Variants in DDIAS observed in about 807,000 individuals in gnomAD.
DDIAS encodes the protein DNA damage induced apoptosis suppressor.
A neutral mutation model predicts 15.7 loss-of-function variants in DDIAS; 14 were observed. The ratio of observed to expected loss-of-function variants is 0.89; its 90% CI spans 0.59 to 1.39. The LOEUF (loss-of-function observed/expected upper bound fraction) is 1.39, where lower values mean the gene tolerates loss of function less well. Among genes scored for constraint, DDIAS ranks in the 40% most tolerant of loss-of-function variants. DDIAS has a pLI of 0.00. For synonymous variants in DDIAS, 355 were observed against 395.9 expected, an observed-to-expected ratio of 0.90 and a Z score of 1.23; for missense variants, 1,035 against 1,130.9, an observed-to-expected ratio of 0.92 and a Z score of 1.22.
intron 5 of DDIAS, 128 bp from the exon 6 acceptor site, chr11:82,931,604 C>T: frequency 1.3e-6 from 1 of 761,680 alleles, no homozygotes; most frequent in Non-Finnish European, 2.1e-6. Flanking sequence ...AGTGATCTGC[C>T]TGCCTCGGCC....
At position 82,928,813 on chromosome 11, in the gene DDIAS, T is replaced by C. The variant is rs530822401; in HGVS notation, c.150T>C (p.Ser50=). The C allele has an allele frequency of 3.3e-5, 53 of 1,613,568 alleles. No individual in the cohort carries two copies. In the South Asian group the frequency reaches 5.5e-4, roughly 17 times the overall value. Residue 50 remains serine (S), a synonymous_variant, in exon 4 of 6, where the codon TCT becomes TCC. Transcript: ENST00000533655. ...CAAAATGTGGCTCTACTGGTGAATC[T>C]GGAAATGCCAATTACAGATACAAAC... ...NCPKCGSTGE[S]GNANYRYKLS... is the part of the protein sequence containing the mutation.
At chr11:82,916,065 A>C (rs1179477817) in intron 3 of DDIAS, among the ~76,000 whole-genome samples, 1 of 152,182 alleles carries the variant, frequency 6.6e-6, no homozygotes, top group East Asian at 1.9e-4. Context: ...ACTGTAATGG[A>C]ACAATTTCAA....
chr11:82,918,650 T>C (rs941732805), intron 3 of DDIAS, among the ~76,000 whole-genome samples: 2 of 152,252 alleles, frequency 1.3e-5, no homozygotes, highest in African/African-American at 4.8e-5. Context: ...AATTTGTAGA[T>C]TGCTTTTGGC....
intron 3 of DDIAS, 90 bp from the exon 4 acceptor site, chr11:82,928,687 T>C (rs920511373): frequency 3.7e-6 from 5 of 1,358,008 alleles, no homozygotes; most frequent in Admixed American, 4.2e-5. Flanking sequence ...ATACACAAAA[T>C]GTTATTTTAA....
intron 3 of DDIAS, among the ~76,000 whole-genome samples, chr11:82,916,084 G>A (rs1565245435): frequency 6.6e-6 from 1 of 152,088 alleles, no homozygotes; most frequent in Non-Finnish European, 1.5e-5. Flanking sequence ...AAGCTTCAGA[G>A]AACACAACAG....
At position 82,928,177 on chromosome 11, in the gene DDIAS, CTTTTTTTTTTTTTTTTTTT is replaced by C. The variant is rs541845327; in HGVS notation, c.114-579_114-561del. 1.0e-3 allele frequency among the ~76,000 whole-genome samples: 35 copies of C among 34,206 alleles called. 1 individual carries two copies. The highest frequency in any genetic ancestry group is 2.8e-3 in the South Asian group (2 of 708). The allele number at this position is 34,206 out of a possible 152,430, so 22.4% of individuals were successfully genotyped here. ...ATATTTTGAGATTATTTTTTGTCCT[CTTTTTTTTTTTTTTTTTTT>C]TTTTTTTTTTTTTTTTTTTTGAGAC... On this transcript the variant is annotated intron_variant, in intron 3 of 5. Coordinates refer to ENST00000533655, the MANE Select transcript of DDIAS (RefSeq NM_145018.4).
At chr11:82,903,206 T>C (rs915038622) in intron 1 of DDIAS, among the ~76,000 whole-genome samples, 40 of 152,170 alleles carry the variant, frequency 2.6e-4, no homozygotes, top group Admixed American at 2.0e-4. Context: ...GACCGGATCA[T>C]GGTTAGGAGG....
At chr11:82,929,478 C>T (rs1179569919) in intron 4 of DDIAS, among the ~76,000 whole-genome samples, 1 of 152,026 alleles carries the variant, frequency 6.6e-6, no homozygotes, top group Non-Finnish European at 1.5e-5. Context: ...CCGAGGCGGG[C>T]GGATCACAAG....
At chr11:82,922,280 C>A (rs1280993687) in intron 3 of DDIAS, among the ~76,000 whole-genome samples, 1 of 152,176 alleles carries the variant, frequency 6.6e-6, no homozygotes. Flanking sequence ...GGGAAGGTTT[C>A]CTCAATTATT....
chr11:82,917,368 G>T (rs1318684618), intron 3 of DDIAS, among the ~76,000 whole-genome samples: 1 of 149,452 alleles, frequency 6.7e-6, no homozygotes, highest in Non-Finnish European at 1.5e-5. Flanking sequence ...TCATAGCTTA[G>T]CTCCCACATA....
At chr11:82,911,675 T>G (rs964297630) in intron 1 of DDIAS, among the ~76,000 whole-genome samples, 7 of 152,242 alleles carry the variant, frequency 4.6e-5, no homozygotes, top group African/African-American at 1.7e-4. Context: ...TTTGACTTCC[T>G]CCCATAAATC....
chr11:82,909,121 T>C (rs558832428), intron 1 of DDIAS: 2 of 152,328 alleles, frequency 1.3e-5, no homozygotes, highest in African/African-American at 4.8e-5. Flanking sequence ...ATAAAAGACA[T>C]AGAACAGCCC....
chr11:82,929,092 C>T, intron 4 of DDIAS, 154 bp downstream of exon 4: 4 of 786,726 alleles, frequency 5.1e-6, no homozygotes, highest in Non-Finnish European at 7.8e-6. Context: ...ATGTTTATTT[C>T]CTGAATACAT....
intron 1 of DDIAS, among the ~76,000 whole-genome samples, chr11:82,905,531 T>TTA (rs1204863952): frequency 6.6e-6 from 1 of 152,110 alleles, no homozygotes; most frequent in Non-Finnish European, 1.5e-5. Context: ...AAAAATAAGA[T>TTA]TATATACTTT....
intron 1 of DDIAS, among the ~76,000 whole-genome samples, chr11:82,910,587 ATT>A (rs1425754567): frequency 1.6e-5 from 2 of 125,590 alleles, no homozygotes; most frequent in South Asian, 2.6e-4. Flanking sequence ...CAAGCTTTTA[ATT>A]TTTTCTCTCT....
chr11:82,913,219 G>A (rs1413814285), intron 1 of DDIAS, 68 bp from the exon 2 acceptor site: 1 of 152,280 alleles, frequency 6.6e-6, no homozygotes, highest in East Asian at 1.9e-4. Context: ...ATAAAGTGAA[G>A]CATAATAAAA....
intron 3 of DDIAS, among the ~76,000 whole-genome samples, chr11:82,924,227 T>G (rs1224829955): frequency 6.6e-6 from 1 of 152,238 alleles, no homozygotes; most frequent in East Asian, 1.9e-4. Flanking sequence ...TTAAAATATG[T>G]CTCATTACTT....
At chr11:82,902,338 A>C (rs1413240222) in intron 1 of DDIAS, among the ~76,000 whole-genome samples, 1 of 151,850 alleles carries the variant, frequency 6.6e-6, no homozygotes, top group Non-Finnish European at 1.5e-5. Context: ...TTTTTTACTG[A>C]CATTATTTTG....
In DDIAS at chr11:82,901,775, C is replaced by G. The variant is rs966712412; in HGVS notation, c.-164C>G. On this transcript the variant is annotated 5_prime_UTR_variant, in exon 1 of 6. Coordinates refer to ENST00000533655, the MANE Select transcript of DDIAS (RefSeq NM_145018.4). ...CGGCGTGCTACTGAGTTCGGCCGGT[C>G]CGAGTCACTGTGCGTCGCCTGGGCC... is the stretch of plus-strand genomic sequence containing the variant. The G allele has an allele frequency of 2.6e-5, 4 of 152,186 alleles. No individual in the cohort carries two copies. Among genetic ancestry groups the G allele is most frequent in the African/African-American group, 9.7e-5 (4 of 41,434 alleles). 9.4% of individuals were successfully genotyped at this position (152,186 alleles called of 1,614,324 possible). A position where few individuals can be genotyped will look rare whatever the true frequency, so the allele number is the denominator to read the frequency against.
Sources: gnomAD v4.1 joint callset for allele counts (sites outside exome capture counted in the v4.1 genomes callset) on GRCh38, gnomAD v4.1.1 for gene constraint, MANE v1.5 for transcripts, NCBI Gene and HGNC (gene_info 2026-07-23, HGNC 2026-07-21) for gene names.